The following TRPM5 variants were observed in gnomAD, a reference collection of about 807,000 sequenced individuals.
TRPM5 encodes transient receptor potential cation channel subfamily M member 5.
In TRPM5, 121 loss-of-function variants were observed where a neutral mutation model predicts 124.9. That is an observed-to-expected ratio of 0.97 (90% CI 0.84 to 1.13). The LOEUF (loss-of-function observed/expected upper bound fraction) is 1.13, where lower values mean the gene tolerates loss of function less well. TRPM5 is among the 50% of genes most tolerant of loss of function. The pLI is 0.00. For synonymous variants in TRPM5, 781 were observed against 700.5 expected, an observed-to-expected ratio of 1.11 and a Z score of -1.81; for missense variants, 1,643 against 1,589.1, an observed-to-expected ratio of 1.03 and a Z score of -0.58.
At chr11:2,412,335 G>GCCA in intron 15 of TRPM5, 82 bp from the exon 21 acceptor site, 1 of 765,970 alleles carries the variant, frequency 1.3e-6, no homozygotes, top group Non-Finnish European at 1.9e-6. Flanking sequence ...GCTTGGATCT[G>GCCA]TAAGGATCAG....
At chr11:2,427,752 C>T (rs1295097971), upstream of TRPM5, among the ~76,000 whole-genome samples, 1 of 152,208 alleles carries the variant, frequency 6.6e-6, no homozygotes, top group Non-Finnish European at 1.5e-5. Context: ...CTGAAATCCA[C>T]CCTGAAATGT....
upstream of TRPM5, among the ~76,000 whole-genome samples, chr11:2,424,073 A>G (rs1413296384): frequency 6.6e-6 from 1 of 152,078 alleles, no homozygotes; most frequent in Admixed American, 6.5e-5. Context: ...GCCCCCAGCC[A>G]CCCTACCCTG....
chr11:2,425,228 A>G (rs1451567956), upstream of TRPM5, among the ~76,000 whole-genome samples: 2 of 151,970 alleles, frequency 1.3e-5, no homozygotes, highest in Admixed American at 1.3e-4. Flanking sequence ...CAAATGGATG[A>G]TCTCATAGTT....
intron 22 of TRPM5, 152 bp downstream of exon 27, chr11:2,405,867 C>G: frequency 1.3e-6 from 1 of 757,200 alleles, no homozygotes. Context: ...CCTGTCTTCC[C>G]CAGAACGCTC....
chr11:2,423,899 C>A (rs892855964), upstream of TRPM5, among the ~76,000 whole-genome samples: 9 of 152,218 alleles, frequency 5.9e-5, no homozygotes, highest in Admixed American at 2.0e-4. Flanking sequence ...TGGCTGACCT[C>A]GGTCTGGCTT....
chr11:2,442,475 T>A, the TRPM5 span, among the ~76,000 whole-genome samples: 1 of 152,110 alleles, frequency 6.6e-6, no homozygotes, highest in South Asian at 2.1e-4. The surrounding 1 kb of genome is among the most constrained non-coding windows in gnomAD (Gnocchi z 5.9). Context: ...ATCATGGCAC[T>A]CCATCGTGTG....
At chr11:2,442,119 T>A in the TRPM5 span, among the ~76,000 whole-genome samples, 2 of 152,192 alleles carry the variant, frequency 1.3e-5, no homozygotes, top group Non-Finnish European at 2.9e-5. The surrounding 1 kb of genome is among the most constrained non-coding windows in gnomAD (Gnocchi z 5.9). Context: ...ATGCATGGGC[T>A]TTTCAGCTAT....
chr11:2,422,378 G>T (rs1445740801), intron 1 of TRPM5, 57 bp from the exon 7 acceptor site: 8 of 1,483,182 alleles, frequency 5.4e-6, no homozygotes. Flanking sequence ...GGAGCTGCTG[G>T]GCATTGGGGG....
In TRPM5 at chr11:2,417,876, G is replaced by C. The variant is rs113943181; in HGVS notation, c.907-47C>G. On this transcript the variant is annotated intron_variant, in intron 6 of 23. Coordinates refer to ENST00000155858, the Ensembl canonical transcript of TRPM5. ...CCATGGGGCCGCCTCAGCCAGGACG[G>C]GGGCAGAGGCAGGCCGTGGTAGACA... 10,591 of 1,511,614 alleles carry C rather than the reference G, an allele frequency of 7.0e-3. 506 individuals are homozygous for C. In the African/African-American group the frequency reaches 0.12, roughly 17 times the overall value. The allele number at this position is 1,511,614 out of a possible 1,614,324, so 93.6% of individuals were successfully genotyped here.
At chr11:2,418,454 CA>C (rs1845719768) in intron 5 of TRPM5, 72 bp downstream of exon 10, 1 of 1,553,704 alleles carries the variant, frequency 6.4e-7, no homozygotes. Context: ...AGCCCTGTCC[CA>C]GGGGTGCCCA....
intron 15 of TRPM5, 24 bp downstream of exon 20, chr11:2,412,730 A>G: frequency 6.4e-7 from 1 of 1,565,440 alleles, no homozygotes; most frequent in Non-Finnish European, 8.6e-7. Context: ...AGTGGAGGGG[A>G]CCTAGGCTAG....
chr11:2,410,654 T>C (rs566391048), intron 18 of TRPM5: 90 of 452,396 alleles, frequency 2.0e-4, no homozygotes, highest in South Asian at 1.4e-3. Flanking sequence ...CAAGCGGCTC[T>C]GACCCCCGCC....
exon 24 of TRPM5, chr11:2,404,966 C>G (rs375116427): frequency 1.2e-6 from 2 of 1,612,480 alleles, no homozygotes; most frequent in Admixed American, 1.7e-5. Flanking sequence ...TGGCCAGCCC[C>G]GGGTTGTTCC....
At chr11:2,417,968 C>A in intron 6 of TRPM5, 139 bp from the exon 12 acceptor site, 1 of 1,024,346 alleles carries the variant, frequency 9.8e-7, no homozygotes, top group South Asian at 1.5e-5. Flanking sequence ...CCCACCGGGC[C>A]CGGCCTGGGA....
At chr11:2,411,433 G>A (rs367824428) in exon 18 of TRPM5, 16 of 1,612,198 alleles carry the variant, frequency 9.9e-6, no homozygotes, top group Admixed American at 3.3e-5. Context: ...CACTCCAGGC[G>A]GCCGTCATGG....
the TRPM5 span, among the ~76,000 whole-genome samples, chr11:2,428,842 T>C: frequency 2.0e-5 from 3 of 146,346 alleles, no homozygotes; most frequent in African/African-American, 7.7e-5. The surrounding 1 kb of genome is among the most constrained non-coding windows in gnomAD (Gnocchi z 4.0). Flanking sequence ...TGGTGGTTAT[T>C]GCAGTGGTAG....
intron 9 of TRPM5, 37 bp from the exon 15 acceptor site, chr11:2,415,084 C>T: frequency 6.3e-7 from 1 of 1,586,256 alleles, no homozygotes; most frequent in Non-Finnish European, 8.5e-7. Flanking sequence ...GCTGCGGCCC[C>T]AGCCTCGCCC....
intron 18 of TRPM5, among the ~76,000 whole-genome samples, chr11:2,408,548 A>G (rs898962587): frequency 7.2e-5 from 11 of 152,058 alleles, no homozygotes; most frequent in Non-Finnish European, 1.3e-4. Context: ...CAGGCGGCAC[A>G]CTCTGGGAGC....
At position 2,407,222 on chromosome 11, in the gene TRPM5, G is replaced by A. The variant is rs150296155; in HGVS notation, c.3015C>T (p.His1005=). The A allele has an allele frequency of 1.6e-5, 26 of 1,611,820 alleles. No individual in the cohort carries two copies. In the East Asian group the frequency reaches 1.8e-4, roughly 11 times the overall value. ...AGGGCGGGGCCAGGGCGGGGCGCTC[G>A]TGGTACTCCACAATCAGGTTGTAGC... The change falls in exon 20 of 24, where the codon CAC becomes CAT. Residue 1005 remains histidine, a synonymous_variant. Coordinates refer to ENST00000155858, the Ensembl canonical transcript of TRPM5.
Sources: allele counts gnomAD v4.1 joint callset (sites outside exome capture counted in the v4.1 genomes callset), GRCh38; gene constraint gnomAD v4.1.1; non-coding constraint Gnocchi (gnomAD v3.1); transcripts MANE v1.5; gene names NCBI Gene and HGNC (gene_info 2026-07-23, HGNC 2026-07-21).